Variants in CDC42BPA observed in about 807,000 individuals in gnomAD.
The protein encoded by CDC42BPA is CDC42 binding protein kinase alpha.
A neutral mutation model predicts 223.5 loss-of-function variants in CDC42BPA; 80 were observed. The observed-to-expected ratio is 0.36, with a 90% confidence interval of 0.30 to 0.43. CDC42BPA has a LOEUF of 0.43. Ranked by LOEUF, CDC42BPA falls within the 20% of genes least tolerant of loss-of-function variation. The pLI is 1.00. For synonymous variants in CDC42BPA, 694 were observed against 718.6 expected (o/e 0.97, Z 0.55); for missense variants, 1,743 against 2,099.9 (o/e 0.83, Z 3.32).
intron 20 of CDC42BPA, among the ~76,000 whole-genome samples, chr1:227,071,884 T>A (rs939789666): frequency 3.3e-5 from 5 of 151,670 alleles, no homozygotes; most frequent in African/African-American, 2.4e-5. Flanking sequence ...AAAATAAAAT[T>A]TTTTTCCAAT....
chr1:227,065,895 C>T (rs974781198), intron 21 of CDC42BPA, among the ~76,000 whole-genome samples: 1 of 152,118 alleles, frequency 6.6e-6, no homozygotes, highest in Admixed American at 6.5e-5. Flanking sequence ...CCCTTCTATA[C>T]GTACAAGTTC....
intron 2 of CDC42BPA, among the ~76,000 whole-genome samples, chr1:227,253,494 G>A (rs1682466565): frequency 6.6e-6 from 1 of 152,126 alleles, no homozygotes; most frequent in Non-Finnish European, 1.5e-5. Flanking sequence ...TACTCGGGAG[G>A]CTGAAGCAGG....
intron 34 of CDC42BPA, chr1:227,010,862 ACT>A (rs1320974318): frequency 7.5e-7 from 1 of 1,338,648 alleles, no homozygotes; most frequent in East Asian, 4.8e-5. Context: ...TTAACACCTG[ACT>A]CAGCTGTTCA....
At chr1:227,298,966 T>G (rs931101408) in intron 1 of CDC42BPA, among the ~76,000 whole-genome samples, 8 of 152,196 alleles carry the variant, frequency 5.3e-5, no homozygotes, top group African/African-American at 1.9e-4. Flanking sequence ...GGCTGGTAAC[T>G]TTCACAAATG....
intron 1 of CDC42BPA, among the ~76,000 whole-genome samples, chr1:227,297,961 T>C (rs199755280): frequency 1.0e-5 from 1 of 96,082 alleles, no homozygotes; most frequent in Non-Finnish European, 2.0e-5. Context: ...TGTGTATATA[T>C]ACATATACAC....
chr1:227,215,205 A>G (rs1257653659), intron 2 of CDC42BPA, among the ~76,000 whole-genome samples: 1 of 152,234 alleles, frequency 6.6e-6, no homozygotes, highest in Admixed American at 6.5e-5. Flanking sequence ...GCAACTGTGC[A>G]GTAGGAATAA....
At chr1:227,294,383 G>A (rs1212653438) in intron 1 of CDC42BPA, among the ~76,000 whole-genome samples, 1 of 151,980 alleles carries the variant, frequency 6.6e-6, no homozygotes, top group Non-Finnish European at 1.5e-5. Flanking sequence ...TAGAAGAAGA[G>A]CTTAAGATCA....
chr1:227,177,133 A>AT (rs1558682714), intron 5 of CDC42BPA, among the ~76,000 whole-genome samples: 2 of 75,322 alleles, frequency 2.7e-5, no homozygotes, highest in South Asian at 5.2e-4. Context: ...GTAAGAAAAA[A>AT]AAAATATATA....
chr1:227,242,371 T>C (rs930680136), intron 2 of CDC42BPA, among the ~76,000 whole-genome samples: 7 of 152,042 alleles, frequency 4.6e-5, no homozygotes, highest in African/African-American at 1.7e-4. Flanking sequence ...ATGCCCACTT[T>C]CAGCACTTAA....
At chr1:227,263,247 CAAAA>C (rs1054821896) in intron 1 of CDC42BPA, among the ~76,000 whole-genome samples, 1 of 152,044 alleles carries the variant, frequency 6.6e-6, no homozygotes, top group Non-Finnish European at 1.5e-5. Flanking sequence ...AACAAACAAA[CAAAA>C]ATCACTTTCT....
In CDC42BPA at chr1:226,993,866, TGGA is replaced by T. The variant is rs1194066645; in HGVS notation, c.*399_*401del. On this transcript the variant is annotated 3_prime_UTR_variant, in exon 37 of 37. Coordinates refer to ENST00000366766, the MANE Select transcript of CDC42BPA (RefSeq NM_001394014.1). ...CACTCCAGGGACCAATTCTCCCTTC[TGGA>T]TGCGGAGAAGCCCATGAGCTATTTT... is the stretch of plus-strand genomic sequence containing the variant. 2 of 161,314 alleles carry T rather than the reference TGGA, an allele frequency of 1.2e-5. No individual in the cohort carries two copies. Among genetic ancestry groups the T allele is most frequent in the Non-Finnish European group, 2.7e-5 (2 of 72,866 alleles). The allele number at this position is 161,314 out of a possible 1,614,324, so 10.0% of individuals were successfully genotyped here. A position where few individuals can be genotyped will look rare whatever the true frequency, so the allele number is the denominator to read the frequency against.
In CDC42BPA at chr1:227,307,085, T is replaced by C. The variant is rs114482915; in HGVS notation, c.178+9920A>G. On this transcript the variant is annotated intron_variant, in intron 1 of 36. Transcript: ENST00000366766. ...TTAGAGAGGTAACTGGATTAGAACA[T>C]AATAAAGCTTTACTGGAAAAAAACA... Among the ~76,000 whole-genome samples the C allele has an allele frequency of 6.0e-3, 912 of 152,256 alleles. 10 individuals carry two copies. The highest frequency in any genetic ancestry group is 0.021 in the African/African-American group (858 of 41,534).
intron 23 of CDC42BPA, among the ~76,000 whole-genome samples, chr1:227,041,322 C>T (rs1183350649): frequency 1.3e-5 from 2 of 152,050 alleles, no homozygotes; most frequent in African/African-American, 4.8e-5. Context: ...CTAGTAGTCC[C>T]CAGAGTCTTT....
chr1:227,168,984 CCTCT>C (rs1022633836), intron 5 of CDC42BPA, among the ~76,000 whole-genome samples: 3 of 151,980 alleles, frequency 2.0e-5, no homozygotes, highest in African/African-American at 7.3e-5. Context: ...TTAATCTTTT[CCTCT>C]CTGTTACCTT....
At chr1:227,280,887 AAGCCAGGGATCCCAGCACAAC>A (rs974708965) in intron 1 of CDC42BPA, among the ~76,000 whole-genome samples, 3 of 152,190 alleles carry the variant, frequency 2.0e-5, no homozygotes, top group African/African-American at 7.2e-5. Context: ...TAAGCATGCC[AAGCCAGGGATCCCAGCACAAC>A]AGCTCAGGGG....
intron 6 of CDC42BPA, among the ~76,000 whole-genome samples, chr1:227,158,746 T>C (rs921941680): frequency 3.9e-5 from 6 of 152,166 alleles, no homozygotes; most frequent in Admixed American, 3.3e-4. Context: ...TGCTTGATCA[T>C]TAGTATTCTG....
chr1:227,293,545 C>T (rs10916117), intron 1 of CDC42BPA, among the ~76,000 whole-genome samples: 25,543 of 150,500 alleles, frequency 0.17, 2,199 homozygotes, highest in Middle Eastern at 0.21. Flanking sequence ...AGATCTATTG[C>T]TGGGTGCAGT....
intron 11 of CDC42BPA, among the ~76,000 whole-genome samples, chr1:227,127,525 G>A (rs952529373): frequency 4.6e-5 from 7 of 152,202 alleles, no homozygotes; most frequent in African/African-American, 1.7e-4. Context: ...TCGCTTCTCT[G>A]AAGACGAATC....
chr1:227,048,239 T>G (rs1417946622), intron 22 of CDC42BPA, among the ~76,000 whole-genome samples: 2 of 152,046 alleles, frequency 1.3e-5, no homozygotes, highest in African/African-American at 4.8e-5. Flanking sequence ...AGTAAGTTAC[T>G]TTAGTCTGGA....
Sources: allele counts gnomAD v4.1 joint callset (sites outside exome capture counted in the v4.1 genomes callset), GRCh38; gene constraint gnomAD v4.1.1; transcripts MANE v1.5; gene names NCBI Gene and HGNC (gene_info 2026-07-23, HGNC 2026-07-21).